ACSM2B: variants seen among roughly 807,000 people sequenced by gnomAD.
ACSM2B encodes the protein acyl-coenzyme A synthetase ACSM2B, mitochondrial.
In ACSM2B, 58 loss-of-function variants were observed where a neutral mutation model predicts 78.6. The observed-to-expected ratio is 0.74, with a 90% confidence interval of 0.60 to 0.92. The LOEUF (loss-of-function observed/expected upper bound fraction) is 0.92, where lower values mean the gene tolerates loss of function less well. ACSM2B is among the 40% of genes least tolerant of loss of function. ACSM2B has a pLI of 0.00. For synonymous variants in ACSM2B, 257 were observed against 256.8 expected, an observed-to-expected ratio of 1.00 and a Z score of -0.01; for missense variants, 688 against 711.2, an observed-to-expected ratio of 0.97 and a Z score of 0.37.
chr16:20,548,396 G>A lies in ACSM2B; in HGVS notation c.972C>T (p.Ser324=), dbSNP rs1438000089. The part of the protein sequence containing the change: ...VYRMLLQQDL[S]SYKFPHLQNC... Reference sequence around the variant, plus strand: ...ACCAATCCTCAAAGCCCCATCACCTGGAAAGATCCTGCTGTAGCAACATCC... The same window carrying A: ...ACCAATCCTCAAAGCCCCATCACCTAGAAAGATCCTGCTGTAGCAACATCC... Residue 324 remains serine, a splice_region_variant and synonymous_variant, in exon 7 of 14, where the codon TCC becomes TCT. Coordinates refer to ENST00000329697, the MANE Select transcript of ACSM2B (RefSeq NM_001105069.2). The A allele has an allele frequency of 6.2e-7, 1 of 1,613,628 alleles. No individual in the cohort carries two copies. The highest frequency in any genetic ancestry group is 1.7e-5 in the Admixed American group (1 of 60,000).
At chr16:20,558,048 T>C (rs2015530471) in intron 3 of ACSM2B, among the ~76,000 whole-genome samples, 2 of 152,088 alleles carry the variant, frequency 1.3e-5, no homozygotes, top group African/African-American at 4.8e-5. Context: ...AATAACAAAT[T>C]TGTCACAAGG....
intron 10 of ACSM2B, chr16:20,544,926 G>C: frequency 9.1e-7 from 1 of 1,097,190 alleles, no homozygotes; most frequent in Non-Finnish European, 1.2e-6. Flanking sequence ...GAGTCTAAGG[G>C]CTAACTGAAG....
chr16:20,568,811 A>T (rs1444420308), intron 1 of ACSM2B, among the ~76,000 whole-genome samples: 1 of 151,800 alleles, frequency 6.6e-6, no homozygotes, highest in Admixed American at 6.6e-5. Flanking sequence ...CATTTCCCTG[A>T]TCATTAGTGA....
Position 20,536,591 on chromosome 16 carries a change from C to T in ACSM2B, c.*667G>A, listed in dbSNP as rs2014851493. The stretch of plus-strand genomic sequence containing the variant: ...TCTTCTCCTAGGGTAAAAGAAAGTA[C>T]CACTTCTTTTCCTTTCATTTCCTTC... On this transcript the variant is annotated 3_prime_UTR_variant, in exon 14 of 14. Transcript: ENST00000329697. 1 of 152,114 alleles carries T rather than the reference C, an allele frequency of 6.6e-6. No homozygotes were observed. Among genetic ancestry groups the T allele is most frequent in the East Asian group, 1.9e-4 (1 of 5,180 alleles). 9.4% of individuals were successfully genotyped at this position (152,114 alleles called of 1,614,324 possible). A position where few individuals can be genotyped will look rare whatever the true frequency, so the allele number is the denominator to read the frequency against.
At chr16:20,546,068 A>G (rs1338147931) in intron 9 of ACSM2B, among the ~76,000 whole-genome samples, 1 of 152,212 alleles carries the variant, frequency 6.6e-6, no homozygotes, top group Non-Finnish European at 1.5e-5. Flanking sequence ...CTATATTGTT[A>G]AATGATAAAA....
chr16:20,567,592 T>G (rs1189397639), intron 1 of ACSM2B, among the ~76,000 whole-genome samples: 1 of 134,170 alleles, frequency 7.5e-6, no homozygotes, highest in Non-Finnish European at 1.6e-5. Context: ...TAAATAATAA[T>G]ATAAGATATA....
intron 9 of ACSM2B, among the ~76,000 whole-genome samples, chr16:20,545,788 G>C (rs911859529): frequency 3.9e-5 from 6 of 152,160 alleles, no homozygotes; most frequent in African/African-American, 1.4e-4. Flanking sequence ...ACACTGAATA[G>C]CGTCTAAGTT....
intron 8 of ACSM2B, chr16:20,546,737 G>A (rs2015154286): frequency 4.5e-6 from 2 of 446,112 alleles, no homozygotes; most frequent in African/African-American, 4.0e-5. Context: ...ATCTCTTTTA[G>A]GGGGAGTCAC....
chr16:20,554,649 G>C (rs1414053594), intron 4 of ACSM2B, among the ~76,000 whole-genome samples: 3 of 152,198 alleles, frequency 2.0e-5, no homozygotes, highest in Non-Finnish European at 4.4e-5. Context: ...TCAACACATG[G>C]AAAGGCCTCT....
At chr16:20,547,863 A>G (rs2015187153) in intron 8 of ACSM2B, 199 bp downstream of exon 8, 1 of 1,294,698 alleles carries the variant, frequency 7.7e-7, no homozygotes, top group Non-Finnish European at 1.0e-6. Context: ...ACTGGAATGT[A>G]ATCTCCCAGA....
At chr16:20,567,603 T>C (rs949152227) in intron 1 of ACSM2B, among the ~76,000 whole-genome samples, 1 of 135,234 alleles carries the variant, frequency 7.4e-6, no homozygotes, top group African/African-American at 2.7e-5. Flanking sequence ...ATAAGATATA[T>C]AATATATAAT....
chr16:20,563,113 T>C (rs2015716014), intron 2 of ACSM2B, among the ~76,000 whole-genome samples: 1 of 152,104 alleles, frequency 6.6e-6, no homozygotes, highest in South Asian at 2.1e-4. Context: ...CTCCCATCCT[T>C]CCACTAAGAT....
At chr16:20,537,805 G>A (rs935122767) in intron 13 of ACSM2B, among the ~76,000 whole-genome samples, 1 of 152,160 alleles carries the variant, frequency 6.6e-6, no homozygotes, top group African/African-American at 2.4e-5. Context: ...TATTGGTATG[G>A]AGTAACCACT....
At chr16:20,565,266 C>T (rs1049926679) in intron 1 of ACSM2B, among the ~76,000 whole-genome samples, 13 of 152,126 alleles carry the variant, frequency 8.5e-5, no homozygotes, top group African/African-American at 2.7e-4. Context: ...ATGTATCCAC[C>T]TCTCATTGAC....
chr16:20,541,675 TTCTTTC>T (rs2014993681), intron 12 of ACSM2B: 2 of 117,946 alleles, frequency 1.7e-5, no homozygotes, highest in African/African-American at 3.5e-5. Flanking sequence ...CTTTTTCTTT[TTCTTTC>T]TTTTTTTTTT....
chr16:20,566,423 A>T (rs1294736323), intron 1 of ACSM2B, among the ~76,000 whole-genome samples: 1 of 131,026 alleles, frequency 7.6e-6, no homozygotes, highest in Non-Finnish European at 1.6e-5. Context: ...ATATATGGGT[A>T]TTATACATTT....
intron 3 of ACSM2B, among the ~76,000 whole-genome samples, chr16:20,556,677 C>A (rs1457268736): frequency 1.3e-5 from 2 of 152,154 alleles, no homozygotes; most frequent in Admixed American, 6.5e-5. Flanking sequence ...ACCACATGCC[C>A]GTCCTGTTAA....
At chr16:20,541,614 C>T (rs2014990753) in intron 12 of ACSM2B, 1 of 151,480 alleles carries the variant, frequency 6.6e-6, no homozygotes, top group Non-Finnish European at 1.5e-5. Context: ...TTATATAGTA[C>T]TTACTATGTG....
intron 1 of ACSM2B, among the ~76,000 whole-genome samples, chr16:20,565,268 C>T (rs1482350978): frequency 1.3e-5 from 2 of 152,168 alleles, no homozygotes; most frequent in Non-Finnish European, 2.9e-5. Context: ...GTATCCACCT[C>T]TCATTGACTT....
Sources: allele counts gnomAD v4.1 joint callset (sites outside exome capture counted in the v4.1 genomes callset), GRCh38; gene constraint gnomAD v4.1.1; transcripts MANE v1.5; gene names NCBI Gene and HGNC (gene_info 2026-07-23, HGNC 2026-07-21).